PASK: variants seen among roughly 807,000 people sequenced by gnomAD.
PASK encodes the protein PAS domain containing serine/threonine kinase.
A neutral mutation model predicts 121.0 loss-of-function variants in PASK; 110 were observed. The observed-to-expected ratio is 0.91, with a 90% confidence interval of 0.78 to 1.06. The LOEUF is 1.06. PASK is among the 50% of genes least tolerant of loss of function. PASK has a pLI of 0.00. For synonymous variants in PASK, 686 were observed against 717.8 expected, an observed-to-expected ratio of 0.96 and a Z score of 0.71; for missense variants, 1,643 against 1,702.3, an observed-to-expected ratio of 0.97 and a Z score of 0.61.
At chr2:241,149,475 T>C (rs1256381012), upstream of PASK, 6 of 622,456 alleles carry the variant, frequency 9.6e-6, no homozygotes, top group African/African-American at 3.7e-5. Flanking sequence ...CCTTCCGCGC[T>C]TTTATCCCAC....
chr2:241,123,561 T>C (rs990856285), intron 11 of PASK, among the ~76,000 whole-genome samples: 2 of 152,054 alleles, frequency 1.3e-5, no homozygotes, highest in African/African-American at 2.4e-5. Context: ...CTCACGCCTA[T>C]AATCCCAGCA....
At chr2:241,149,330 A>C in intron 1 of PASK, 84 bp downstream of exon 1, 1 of 244,068 alleles carries the variant, frequency 4.1e-6, no homozygotes, top group Non-Finnish European at 8.0e-6. Flanking sequence ...CTCCTGGGCC[A>C]GGGGCGCGGA....
intron 12 of PASK, among the ~76,000 whole-genome samples, chr2:241,121,435 T>C (rs1355422139): frequency 2.0e-5 from 3 of 151,730 alleles, no homozygotes; most frequent in Non-Finnish European, 2.9e-5. Context: ...CAACAGAAAG[T>C]AGGAAAAATA....
intron 2 of PASK, among the ~76,000 whole-genome samples, chr2:241,141,335 C>T (rs530291276): frequency 7.9e-5 from 12 of 152,198 alleles, no homozygotes; most frequent in Non-Finnish European, 1.3e-4. Flanking sequence ...TTCCCACCTT[C>T]TGTCCTCTGT....
Position 241,138,044 on chromosome 2 carries a change from C to T in PASK, c.785G>A (p.Gly262Glu). ...AGCCACGTCCTCCCCAGACACGTAC[C>T]CGTGAAGATGAGCAAAGAGACTGTC... is the stretch of plus-strand genomic sequence containing the variant. ...SCDSLFAHLH[G>E]YVSGEDVAGQ... Residue 262 changes from glycine to glutamate, a missense_variant, in exon 6 of 18, where the codon GGG (glycine) becomes GAG (glutamate). Coordinates refer to ENST00000234040, the MANE Select transcript of PASK (RefSeq NM_015148.4). The T allele has an allele frequency of 6.2e-7, 1 of 1,614,164 alleles. No individual in the cohort carries two copies. Among genetic ancestry groups the T allele is most frequent in the Non-Finnish European group, 8.5e-7 (1 of 1,179,994 alleles).
intron 12 of PASK, among the ~76,000 whole-genome samples, chr2:241,120,317 AC>A (rs1309116189): frequency 1.3e-5 from 2 of 152,100 alleles, no homozygotes; most frequent in East Asian, 3.9e-4. Flanking sequence ...ACATGGTGCA[AC>A]CCCATCTCTA....
intron 10 of PASK, 114 bp from the exon 11 acceptor site, chr2:241,124,247 A>G: frequency 1.2e-6 from 1 of 849,194 alleles, no homozygotes; most frequent in Non-Finnish European, 1.9e-6. Flanking sequence ...CAGCAGCTTT[A>G]AGTTAGAAAG....
chr2:241,149,669 C>T (rs2067190451), upstream of PASK: 1 of 1,545,994 alleles, frequency 6.5e-7, no homozygotes, highest in Non-Finnish European at 8.7e-7. Flanking sequence ...GCCCCCGGGC[C>T]GGGCAGATGC....
chr2:241,135,982 A>C lies in PASK; in HGVS notation c.1195T>G (p.Ser399Ala). 1.2e-6 allele frequency: 2 copies of C among 1,614,028 alleles called. No individual in the cohort carries two copies. Among genetic ancestry groups the C allele is most frequent in the African/African-American group, 2.7e-5 (2 of 75,054 alleles). ...CTGGCCAGGTCTGGGAGCTGTAATG[A>C]GCTGTTGTACGCAAGGTCCATGTAG... ...YSYMDLAYNS[S>A]LQLPDLASCL... is the part of the protein sequence containing the mutation. The change falls in exon 8 of 18, where the codon TCA becomes GCA. Residue 399 changes from serine to alanine, a missense_variant. Ser to Ala is a moderately conservative substitution (Grantham distance 99). Transcript: ENST00000234040.
rs966444301 is a variant in PASK, at chr2:241,146,439, A to AAAAGGGAGGGAAG, written c.-43+2962_-43+2974dup. On this transcript the variant is annotated intron_variant, in intron 1 of 17. Transcript: ENST00000234040. Reference sequence around the variant, plus strand: ...CTCAATGGCAAAGAGACAGGCAGAAAAAAGGGAGGGAAGAAAGGGAGGGAG... The same window carrying AAAAGGGAGGGAAG: ...CTCAATGGCAAAGAGACAGGCAGAAAAAAGGGAGGGAAGAAAGGGAGGGAAGAAAGGGAGGGAG... 2.4e-4 allele frequency among the ~76,000 whole-genome samples: 36 copies of AAAAGGGAGGGAAG among 152,330 alleles called. 1 individual carries two copies. Among genetic ancestry groups the AAAAGGGAGGGAAG allele is most frequent in the Admixed American group, 2.0e-3 (31 of 15,302 alleles).
intron 14 of PASK, chr2:241,114,745 T>C (rs2065253810): frequency 7.2e-7 from 1 of 1,388,284 alleles, no homozygotes; most frequent in African/African-American, 1.5e-5. Context: ...CCTTACTGGT[T>C]AATTTTTATG....
intron 1 of PASK, among the ~76,000 whole-genome samples, chr2:241,146,616 A>T (rs1441612656): frequency 6.6e-6 from 1 of 152,262 alleles, no homozygotes; most frequent in South Asian, 2.1e-4. Context: ...ATACGAGTGG[A>T]AAAAATCAAG....
rs367682779 is a variant in PASK, at chr2:241,135,828, C to A, written c.1306+43G>T. ...CTCAGAGGCATGGGGCTGTCTGGGG[C>A]TCAGCAGCTACAGGCGCATTCAGGA... is the stretch of plus-strand genomic sequence containing the variant. On this transcript the variant is annotated intron_variant, in intron 8 of 17. Transcript: ENST00000234040. 6 of 1,583,962 alleles carry A rather than the reference C, an allele frequency of 3.8e-6. No homozygotes were observed. In the African/African-American group the frequency reaches 5.4e-5, roughly 14 times the overall value.
intron 12 of PASK, among the ~76,000 whole-genome samples, chr2:241,118,048 G>C (rs1396152093): frequency 6.6e-6 from 1 of 152,192 alleles, no homozygotes; most frequent in Non-Finnish European, 1.5e-5. Flanking sequence ...TCACAGATCA[G>C]GAGACTAAAT....
chr2:241,135,662 A>G (rs530546194), intron 8 of PASK, among the ~76,000 whole-genome samples: 2 of 151,534 alleles, frequency 1.3e-5, no homozygotes, highest in African/African-American at 4.8e-5. Context: ...TCTCTTCTCT[A>G]TGCTCATATG....
In PASK at chr2:241,126,483, C is replaced by T. The variant is rs770541749; in HGVS notation, c.2432G>A (p.Arg811Gln). 2.7e-5 allele frequency: 44 copies of T among 1,614,102 alleles called. No homozygotes were observed. The highest frequency in any genetic ancestry group is 1.6e-4 in the East Asian group (7 of 44,898). The stretch of plus-strand genomic sequence containing the variant: ...TCCCACACAGCTCTCCCGGAACCGT[C>T]GGCCTTGGCCAAGGTCAACACAGGT... ...TGTCVDLGQG[R>Q]RFRESCVGHD... Residue 811 changes from arginine to glutamine, a missense_variant, in exon 10 of 18, where the codon CGA becomes CAA. By Grantham distance (43) the Arg-to-Gln change is conservative (BLOSUM62 1). Transcript: ENST00000234040.
Position 241,149,327 on chromosome 2 carries a change from G to T in PASK, c.-43+87C>A, listed in dbSNP as rs374967826. ...AGAGTCGGGCGGCGGATCCTCCTGGGCCAGGGGCGCGGAGCCGCGCAGGCC... is the reference window on the plus strand; with the variant it reads ...AGAGTCGGGCGGCGGATCCTCCTGGTCCAGGGGCGCGGAGCCGCGCAGGCC... On this transcript the variant is annotated intron_variant, in intron 1 of 17. Transcript: ENST00000234040. The T allele has an allele frequency of 3.1e-3, 756 of 242,112 alleles. 8 individuals carry two copies. The highest frequency in any genetic ancestry group is 0.015 in the African/African-American group (672 of 44,076). 15.0% of individuals were successfully genotyped at this position (242,112 alleles called of 1,614,324 possible).
In PASK at chr2:241,138,793, A is replaced by G; in HGVS notation, c.602T>C (p.Val201Ala). Reference sequence around the variant, plus strand: ...CTCCCCACTACGGCTGATGATGTCCACCTGTGGAAACAGACAGGTTCACAC... The same window carrying G: ...CTCCCCACTACGGCTGATGATGTCCGCCTGTGGAAACAGACAGGTTCACAC... ...GHAAVVFGTV[V>A]DIISRSGEKI... is the part of the protein sequence containing the mutation. The change falls in exon 5 of 18, where the codon GTG becomes GCG. Residue 201 changes from valine to alanine, a missense_variant and splice_region_variant. Around this residue, in one of 3 missense-constraint regions of PASK, gnomAD observed 1,176 missense variants for 1,162.2 expected, o/e 1.01. Coordinates refer to ENST00000234040, the MANE Select transcript of PASK (RefSeq NM_015148.4). 2 of 1,613,940 alleles carry G rather than the reference A, an allele frequency of 1.2e-6. No individual in the cohort carries two copies.
intron 5 of PASK, among the ~76,000 whole-genome samples, chr2:241,138,445 C>A (rs1296512993): frequency 6.6e-6 from 1 of 152,206 alleles, no homozygotes; most frequent in Non-Finnish European, 1.5e-5. Context: ...TATGATTATG[C>A]CCCAGTTCAC....
Sources: allele counts gnomAD v4.1 joint callset (sites outside exome capture counted in the v4.1 genomes callset), GRCh38; gene constraint gnomAD v4.1.1; regional missense constraint gnomAD v4.1.1; transcripts MANE v1.5; gene names NCBI Gene and HGNC (gene_info 2026-07-23, HGNC 2026-07-21).